Variants in MSRA observed in about 807,000 individuals in gnomAD.
The protein encoded by MSRA is mitochondrial peptide methionine sulfoxide reductase.
MSRA carries 54 observed loss-of-function variants against 31.3 expected under a neutral mutation model. The observed-to-expected ratio is 1.73, with a 90% CI of 1.39 to 2.17. The LOEUF is 2.17. Ranked by LOEUF, MSRA falls within the 30% of genes most tolerant of loss-of-function variation. MSRA has a pLI of 0.00. For missense variants in MSRA, 507 were observed against 300.9 expected (o/e 1.69, Z -5.07); for synonymous variants, 169 against 116.5 (o/e 1.45, Z -2.90).
intron 1 of MSRA, among the ~76,000 whole-genome samples, chr8:10,076,608 C>G (rs965963633): frequency 1.2e-4 from 18 of 152,282 alleles, no homozygotes; most frequent in African/African-American, 3.9e-4. Flanking sequence ...TTGCCCCAGT[C>G]TAGTTTATCG....
chr8:10,055,810 A>G (rs1802328293), intron 1 of MSRA, among the ~76,000 whole-genome samples: 1 of 152,262 alleles, frequency 6.6e-6, no homozygotes, highest in Non-Finnish European at 1.5e-5. Flanking sequence ...GTATGAGATT[A>G]GAAAAGGTAG....
intron 5 of MSRA, among the ~76,000 whole-genome samples, chr8:10,366,673 T>G (rs1805185478): frequency 1.3e-5 from 2 of 152,196 alleles, no homozygotes; most frequent in Admixed American, 1.3e-4. Flanking sequence ...CAGTACCTGC[T>G]ACACTGGCCA....
chr8:10,116,566 C>T (rs180972995), intron 1 of MSRA, among the ~76,000 whole-genome samples: 1 of 152,184 alleles, frequency 6.6e-6, no homozygotes, highest in Non-Finnish European at 1.5e-5. Context: ...GATAAGTAGA[C>T]AAATCACTTG....
At chr8:10,315,502 CTATTT>C (rs2129134667) in intron 4 of MSRA, among the ~76,000 whole-genome samples, 1 of 152,290 alleles carries the variant, frequency 6.6e-6, no homozygotes, top group East Asian at 1.9e-4. Flanking sequence ...CTGTGCGTAT[CTATTT>C]TATGTACCTT....
chr8:10,424,407 A>G (rs867248056), intron 5 of MSRA, among the ~76,000 whole-genome samples: 13 of 94,686 alleles, frequency 1.4e-4, no homozygotes, highest in African/African-American at 3.0e-4. Flanking sequence ...AAGGACCCGG[A>G]ATGGAATAGG....
At chr8:10,114,983 A>T (rs1178816424) in intron 1 of MSRA, among the ~76,000 whole-genome samples, 1 of 152,244 alleles carries the variant, frequency 6.6e-6, no homozygotes, top group Non-Finnish European at 1.5e-5. Flanking sequence ...TTTACCAGAT[A>T]TTAAAACATA....
chr8:10,084,009 G>C (rs141109092), intron 1 of MSRA, among the ~76,000 whole-genome samples: 2 of 152,134 alleles, frequency 1.3e-5, no homozygotes, highest in African/African-American at 2.4e-5. Flanking sequence ...TGAGGTCTTC[G>C]TATCAATATT....
At chr8:10,416,866 C>G (rs750100274) in intron 5 of MSRA, among the ~76,000 whole-genome samples, 2 of 152,254 alleles carry the variant, frequency 1.3e-5, no homozygotes, top group South Asian at 4.1e-4. Context: ...TCTCCATCCT[C>G]CCCGTCCTCT....
chr8:10,314,429 A>C (rs1401231843), intron 4 of MSRA, among the ~76,000 whole-genome samples: 2 of 152,154 alleles, frequency 1.3e-5, no homozygotes, highest in Non-Finnish European at 1.5e-5. Flanking sequence ...AGGAAAATGC[A>C]AATTAAGATC....
intron 5 of MSRA, among the ~76,000 whole-genome samples, chr8:10,368,835 G>T (rs1447485802): frequency 6.6e-6 from 1 of 152,136 alleles, no homozygotes; most frequent in East Asian, 1.9e-4. Flanking sequence ...TTTCCCTTCT[G>T]CCTGGGAGAC....
intron 5 of MSRA, among the ~76,000 whole-genome samples, chr8:10,425,944 C>T (rs1809131491): frequency 6.6e-6 from 1 of 152,222 alleles, no homozygotes. Context: ...GTGCCTTTTT[C>T]TCTTCTCCAA....
At chr8:10,193,841 T>G (rs1426483479) in intron 1 of MSRA, among the ~76,000 whole-genome samples, 1 of 152,148 alleles carries the variant, frequency 6.6e-6, no homozygotes, top group African/African-American at 2.4e-5. Flanking sequence ...GAGTAGCTGA[T>G]TTACATGTGC....
At chr8:10,368,415 A>C (rs918760954) in intron 5 of MSRA, among the ~76,000 whole-genome samples, 1 of 152,240 alleles carries the variant, frequency 6.6e-6, no homozygotes, top group African/African-American at 2.4e-5. Context: ...CTTCCTTTGC[A>C]AAATCAGAAG....
chr8:10,160,493 TAA>T (rs897488761), intron 1 of MSRA, among the ~76,000 whole-genome samples: 4 of 139,314 alleles, frequency 2.9e-5, no homozygotes, highest in Admixed American at 7.2e-5. Flanking sequence ...AGACTCCATC[TAA>T]AAAAAAAAAA....
intron 4 of MSRA, among the ~76,000 whole-genome samples, chr8:10,312,096 A>C (rs1801464148): frequency 6.6e-6 from 1 of 152,226 alleles, no homozygotes; most frequent in Non-Finnish European, 1.5e-5. Context: ...AAAGAAGCTG[A>C]GCTAAGCGTC....
intron 5 of MSRA, among the ~76,000 whole-genome samples, chr8:10,361,250 AT>A (rs1385225240): frequency 6.6e-6 from 1 of 152,214 alleles, no homozygotes; most frequent in Non-Finnish European, 1.5e-5. Flanking sequence ...GTTGGGGAAG[AT>A]TTAGCCAAGC....
chr8:10,054,454 C>T lies in MSRA; in HGVS notation c.-63C>T. 6.7e-7 allele frequency: 1 copy of T among 1,503,440 alleles called. No homozygotes were observed. 93.1% of individuals were successfully genotyped at this position (1,503,440 alleles called of 1,614,324 possible). The stretch of plus-strand genomic sequence containing the variant: ...CCGCGGACCCCACTCTCTGCCGTTC[C>T]GGCTGCGGCTCCGCTGCCGGTAGCG... On this transcript the variant is annotated 5_prime_UTR_variant, in exon 1 of 6. Coordinates refer to ENST00000317173, the MANE Select transcript of MSRA (RefSeq NM_012331.5).
At chr8:10,178,239 T>A (rs1806226126) in intron 1 of MSRA, among the ~76,000 whole-genome samples, 2 of 152,238 alleles carry the variant, frequency 1.3e-5, no homozygotes, top group South Asian at 4.2e-4. Flanking sequence ...CCTGATAGAT[T>A]TCGCTTAGTT....
chr8:10,235,126 T>C (rs1221036590), intron 2 of MSRA, among the ~76,000 whole-genome samples: 1 of 152,140 alleles, frequency 6.6e-6, no homozygotes, highest in East Asian at 1.9e-4. Flanking sequence ...AATTTTATGC[T>C]TTTCAAGCAC....
Sources: allele counts gnomAD v4.1 joint callset (sites outside exome capture counted in the v4.1 genomes callset), GRCh38; gene constraint gnomAD v4.1.1; transcripts MANE v1.5; gene names NCBI Gene and HGNC (gene_info 2026-07-23, HGNC 2026-07-21).